IMMP2L: variants seen among roughly 807,000 people sequenced by gnomAD.
IMMP2L encodes the protein inner mitochondrial membrane peptidase subunit 2, also known as mitochondrial inner membrane protease subunit 2.
Under a neutral mutation model 19.3 loss-of-function variants are expected in IMMP2L, and 18 were observed. The ratio of observed to expected loss-of-function variants is 0.93; its 90% confidence interval spans 0.64 to 1.38. The LOEUF is 1.38. IMMP2L is among the 40% of genes most tolerant of loss of function. The pLI, the probability that IMMP2L is intolerant of heterozygous loss-of-function variation, is 0.00. For synonymous variants in IMMP2L, 76 were observed against 73.0 expected (o/e 1.04, Z -0.21); for missense variants, 233 against 218.2 (o/e 1.07, Z -0.43).
intron 4 of IMMP2L, chr7:110,962,307 A>G (rs2129555431): frequency 6.6e-6 from 1 of 152,156 alleles, no homozygotes; most frequent in South Asian, 2.1e-4. Flanking sequence ...AAAATAGAAA[A>G]TTGTTTTAAA....
chr7:111,427,034 G>A (rs1348385938), intron 3 of IMMP2L, among the ~76,000 whole-genome samples: 1 of 151,044 alleles, frequency 6.6e-6, no homozygotes, highest in Admixed American at 6.6e-5. Context: ...TCACTTTAAT[G>A]TCATGATAAT....
intron 3 of IMMP2L, among the ~76,000 whole-genome samples, chr7:111,148,870 C>T (rs955235633): frequency 6.6e-6 from 1 of 151,966 alleles, no homozygotes; most frequent in African/African-American, 2.4e-5. Flanking sequence ...CTAAGTGCTT[C>T]ATGTGGAATA....
Position 111,545,074 on chromosome 7 carries a change from CAGG to C in IMMP2L, c.-3+16774_-3+16776del, listed in dbSNP as rs919453131. On this transcript the variant is annotated intron_variant, in intron 1 of 5. Coordinates refer to ENST00000405709, the MANE Select transcript of IMMP2L (RefSeq NM_032549.4). ...ACACACACACATACTCTCAGAGCAG[CAGG>C]AGAACAAAAGGACAACATATTTTAC... 9.9e-5 allele frequency among the ~76,000 whole-genome samples: 15 copies of C among 152,038 alleles called. No individual in the cohort carries two copies. In the East Asian group the frequency reaches 1.7e-3, roughly 18 times the overall value.
At chr7:111,164,041 GA>G (rs1395049242) in intron 3 of IMMP2L, among the ~76,000 whole-genome samples, 1 of 142,734 alleles carries the variant, frequency 7.0e-6, no homozygotes. Context: ...ATTAAAAACA[GA>G]ACACTGGTAA....
chr7:111,295,285 C>A (rs1199479301), intron 3 of IMMP2L, among the ~76,000 whole-genome samples: 2 of 151,764 alleles, frequency 1.3e-5, no homozygotes, highest in Non-Finnish European at 2.9e-5. Flanking sequence ...TGCCTGAGGT[C>A]CCCAATGCAG....
At chr7:110,921,784 T>A (rs569120943) in intron 4 of IMMP2L, among the ~76,000 whole-genome samples, 1 of 152,206 alleles carries the variant, frequency 6.6e-6, no homozygotes, top group South Asian at 2.1e-4. Context: ...TTGACATATA[T>A]ATGAAAACTG....
intron 2 of IMMP2L, among the ~76,000 whole-genome samples, chr7:111,491,186 A>G (rs749307436): frequency 2.0e-5 from 3 of 152,052 alleles, no homozygotes; most frequent in Non-Finnish European, 4.4e-5. Context: ...TCCCTATCTT[A>G]CTTTATTGTA....
At chr7:111,265,068 G>A (rs529111513) in intron 3 of IMMP2L, among the ~76,000 whole-genome samples, 2 of 152,172 alleles carry the variant, frequency 1.3e-5, no homozygotes, top group Non-Finnish European at 2.9e-5. Flanking sequence ...GAGCTTCAAA[G>A]AGCTGTGGGA....
chr7:110,880,905 C>G (rs1422444687), intron 5 of IMMP2L, among the ~76,000 whole-genome samples: 1 of 151,968 alleles, frequency 6.6e-6, no homozygotes, highest in Non-Finnish European at 1.5e-5. Flanking sequence ...AAAATGAAAT[C>G]ATGTGGAAAA....
intron 5 of IMMP2L, among the ~76,000 whole-genome samples, chr7:110,797,642 T>G (rs1434035142): frequency 6.6e-6 from 1 of 152,010 alleles, no homozygotes; most frequent in Non-Finnish European, 1.5e-5. Context: ...TATAAGAATA[T>G]CTGCCATTCT....
At chr7:111,167,792 A>C (rs1244173079) in intron 3 of IMMP2L, among the ~76,000 whole-genome samples, 2 of 151,944 alleles carry the variant, frequency 1.3e-5, no homozygotes, top group Non-Finnish European at 2.9e-5. Context: ...TCAGTAAAAT[A>C]ATGTTGAAAG....
At chr7:111,065,983 G>A (rs1735221837) in intron 3 of IMMP2L, among the ~76,000 whole-genome samples, 2 of 119,700 alleles carry the variant, frequency 1.7e-5, no homozygotes, top group South Asian at 6.3e-4. Flanking sequence ...ATAGCAGGCT[G>A]TAATTTTTTT....
chr7:111,100,564 T>C (rs778013038), intron 3 of IMMP2L, among the ~76,000 whole-genome samples: 1 of 150,456 alleles, frequency 6.6e-6, no homozygotes, highest in Non-Finnish European at 1.5e-5. Context: ...AATAATATAA[T>C]GATAATGAAC....
intron 3 of IMMP2L, among the ~76,000 whole-genome samples, chr7:111,224,913 A>C (rs182524104): frequency 1.3e-5 from 2 of 152,182 alleles, no homozygotes; most frequent in African/African-American, 4.8e-5. Flanking sequence ...AAGGAGTAAA[A>C]ATCTTAGTTC....
chr7:111,393,500 C>A (rs1459222199), intron 3 of IMMP2L, among the ~76,000 whole-genome samples: 1 of 152,072 alleles, frequency 6.6e-6, no homozygotes, highest in Non-Finnish European at 1.5e-5. Flanking sequence ...TTAAATTACT[C>A]TATTGTCTGC....
chr7:111,443,762 A>C (rs1346537261), intron 3 of IMMP2L, among the ~76,000 whole-genome samples: 1 of 152,108 alleles, frequency 6.6e-6, no homozygotes. Context: ...CCTATTTTTA[A>C]ATGTGGGGAT....
chr7:111,233,597 A>C (rs1813954460), intron 3 of IMMP2L, among the ~76,000 whole-genome samples: 1 of 152,118 alleles, frequency 6.6e-6, no homozygotes, highest in African/African-American at 2.4e-5. Context: ...CAGGGAGTAA[A>C]TGTTATTAAT....
Position 111,521,432 on chromosome 7 carries a change from C to G in IMMP2L, c.16G>C (p.Gly6Arg). Residue 6 changes from glycine (G) to arginine (R), a missense_variant, in exon 2 of 6, where the codon GGG becomes CGG. Physicochemically the swap from Gly to Arg is moderately radical, Grantham distance 125. Transcript: ENST00000405709. ...GCCTTGATGTATCTTTTCACCCACCCTTGTGACTGTGCCATACCTAAAAAT... is the reference window on the plus strand; with the variant it reads ...GCCTTGATGTATCTTTTCACCCACCGTTGTGACTGTGCCATACCTAAAAAT... The part of the protein sequence containing the change: MAQSQ[G>R]WVKRYIKAFC... 3 of 1,611,042 alleles carry G rather than the reference C, an allele frequency of 1.9e-6. No individual in the cohort carries two copies. Among genetic ancestry groups the G allele is most frequent in the Non-Finnish European group, 2.5e-6 (3 of 1,178,622 alleles).
At chr7:110,937,809 C>T (rs961410805) in intron 4 of IMMP2L, among the ~76,000 whole-genome samples, 2 of 152,180 alleles carry the variant, frequency 1.3e-5, no homozygotes, top group Admixed American at 6.6e-5. Context: ...GTATCTCAGC[C>T]TCTGCTGGAT....
Sources: allele counts gnomAD v4.1 joint callset (sites outside exome capture counted in the v4.1 genomes callset), GRCh38; gene constraint gnomAD v4.1.1; transcripts MANE v1.5; gene names NCBI Gene and HGNC (gene_info 2026-07-23, HGNC 2026-07-21).